PDE1C: variants seen among roughly 807,000 people sequenced by gnomAD.
PDE1C encodes the protein phosphodiesterase 1C, also known as dual specificity calcium/calmodulin-dependent 3',5'-cyclic nucleotide phosphodiesterase 1C.
PDE1C carries 62 observed loss-of-function variants against 93.1 expected under a neutral mutation model. That is an observed-to-expected ratio of 0.67 (90% CI 0.54 to 0.82). The LOEUF is 0.82. PDE1C is among the 40% of genes least tolerant of loss of function. PDE1C has a pLI of 0.00. For missense variants in PDE1C, 742 were observed against 884.6 expected (o/e 0.84, Z 2.04); for synonymous variants, 325 against 310.1 (o/e 1.05, Z -0.50).
At chr7:32,188,972 T>C (rs1562562595) in intron 2 of PDE1C, among the ~76,000 whole-genome samples, 1 of 152,182 alleles carries the variant, frequency 6.6e-6, no homozygotes, top group Non-Finnish European at 1.5e-5. Context: ...AAGCAATGCA[T>C]AACCCAAGCC....
chr7:32,166,802 C>A (rs1802308158), intron 3 of PDE1C, among the ~76,000 whole-genome samples: 2 of 152,132 alleles, frequency 1.3e-5, no homozygotes, highest in Non-Finnish European at 2.9e-5. Flanking sequence ...AGGGACATGT[C>A]TTGACGCTGC....
intron 12 of PDE1C, among the ~76,000 whole-genome samples, chr7:31,825,346 G>A (rs1789514409): frequency 6.6e-6 from 1 of 152,140 alleles, no homozygotes; most frequent in Non-Finnish European, 1.5e-5. Context: ...GGAAGATGTG[G>A]CTATTCACTC....
At chr7:31,863,144 C>CA (rs1303521928) in intron 7 of PDE1C, among the ~76,000 whole-genome samples, 1 of 152,004 alleles carries the variant, frequency 6.6e-6, no homozygotes. Context: ...ATTTAAAGAT[C>CA]ATTTTTGTGC....
At chr7:32,142,245 G>C (rs549949678) in intron 3 of PDE1C, among the ~76,000 whole-genome samples, 2 of 152,250 alleles carry the variant, frequency 1.3e-5, no homozygotes, top group South Asian at 4.1e-4. Flanking sequence ...GGGGAGAAGG[G>C]GGATAGAGGA....
At chr7:31,816,959 GTATT>G (rs1788349899) in intron 14 of PDE1C, among the ~76,000 whole-genome samples, 1 of 152,168 alleles carries the variant, frequency 6.6e-6, no homozygotes, top group African/African-American at 2.4e-5. Flanking sequence ...CGTAGGTTAA[GTATT>G]TATGAAAAGA....
chr7:32,135,561 A>G (rs1800159654), intron 3 of PDE1C, among the ~76,000 whole-genome samples: 1 of 152,184 alleles, frequency 6.6e-6, no homozygotes, highest in Non-Finnish European at 1.5e-5. Flanking sequence ...GAAAATCTAA[A>G]CAACAATTAC....
intron 2 of PDE1C, among the ~76,000 whole-genome samples, chr7:31,997,589 G>C (rs1784882725): frequency 6.6e-6 from 1 of 152,174 alleles, no homozygotes; most frequent in South Asian, 2.1e-4. Context: ...ACACAATGAG[G>C]GAGTTGCTGA....
intron 1 of PDE1C, among the ~76,000 whole-genome samples, chr7:32,343,411 C>T (rs1451278650): frequency 1.3e-5 from 2 of 152,194 alleles, no homozygotes; most frequent in Admixed American, 6.5e-5. Context: ...ATCTCTTTCA[C>T]TGACTCACAG....
At chr7:32,011,267 A>T (rs1187056730) in intron 2 of PDE1C, among the ~76,000 whole-genome samples, 1 of 151,688 alleles carries the variant, frequency 6.6e-6, no homozygotes, top group Non-Finnish European at 1.5e-5. Flanking sequence ...ATCTCAGTTC[A>T]CTGCAAGTTC....
the PDE1C span, among the ~76,000 whole-genome samples, chr7:31,621,960 C>A: frequency 6.8e-6 from 1 of 147,448 alleles, no homozygotes; most frequent in South Asian, 2.3e-4. Context: ...CAATCCTAGT[C>A]TCTGATAAAA....
chr7:32,066,808 A>G (rs1408741731), intron 1 of PDE1C, among the ~76,000 whole-genome samples: 1 of 152,236 alleles, frequency 6.6e-6, no homozygotes, highest in Non-Finnish European at 1.5e-5. Flanking sequence ...GAAAAGAGAT[A>G]TGACAACAGC....
At chr7:31,964,082 T>C (rs1160744896) in intron 2 of PDE1C, among the ~76,000 whole-genome samples, 2 of 152,172 alleles carry the variant, frequency 1.3e-5, no homozygotes, top group Non-Finnish European at 2.9e-5. Flanking sequence ...AGCGGGTTCA[T>C]CTCACTGGGG....
chr7:31,830,129 G>A (rs371780594), intron 11 of PDE1C, among the ~76,000 whole-genome samples: 4 of 147,516 alleles, frequency 2.7e-5, no homozygotes, highest in African/African-American at 7.5e-5. Context: ...GTGTAGACTC[G>A]ACTAATAAAA....
In PDE1C at chr7:31,828,389, G is replaced by T; in HGVS notation, c.1204-16C>A. 6.2e-7 allele frequency: 1 copy of T among 1,606,974 alleles called. No homozygotes were observed. The highest frequency in any genetic ancestry group is 8.5e-7 in the Non-Finnish European group (1 of 1,174,734). Reference sequence around the variant, plus strand: ...CTCTGTCACCCTGGAAAAATAAAAGGTCATAGTAAATTAAGGAACAGTAGG... The same window carrying T: ...CTCTGTCACCCTGGAAAAATAAAAGTTCATAGTAAATTAAGGAACAGTAGG... On this transcript the variant is annotated splice_polypyrimidine_tract_variant and intron_variant, in intron 11 of 17. Transcript: ENST00000396191.
At chr7:32,165,251 C>T (rs1274440517) in intron 3 of PDE1C, among the ~76,000 whole-genome samples, 1 of 152,198 alleles carries the variant, frequency 6.6e-6, no homozygotes, top group African/African-American at 2.4e-5. Context: ...AAAATTAATA[C>T]TTACTGAGCT....
rs374994322 is a variant in PDE1C at position 32,182,880 on chromosome 7, A to T, written c.137-12924T>A. Among the ~76,000 whole-genome samples, 29 of 152,112 alleles carry T rather than the reference A, an allele frequency of 1.9e-4. No individual in the cohort carries two copies. The East Asian group carries it at 4.3e-3, about 22-fold the overall frequency. ...AAATTGTCCCTGTTTGCAGATGACA[A>T]GATTGTATATCTAGAAAACCCCATC... On this transcript the variant is annotated intron_variant, in intron 2 of 18. Transcript: ENST00000396193.
intron 3 of PDE1C, among the ~76,000 whole-genome samples, chr7:32,090,788 C>T (rs977739413): frequency 1.1e-4 from 17 of 152,096 alleles, no homozygotes; most frequent in African/African-American, 3.9e-4. Flanking sequence ...GCTCTTGGAC[C>T]CTCCTGGAGA....
At chr7:31,626,623 GT>G in the PDE1C span, among the ~76,000 whole-genome samples, 36 of 152,304 alleles carry the variant, frequency 2.4e-4, no homozygotes, top group African/African-American at 8.4e-4. Flanking sequence ...AATCAAAACA[GT>G]TTTTGACATG....
chr7:32,309,849 C>A (rs1813125067), intron 1 of PDE1C, among the ~76,000 whole-genome samples: 1 of 152,120 alleles, frequency 6.6e-6, no homozygotes, highest in Non-Finnish European at 1.5e-5. Context: ...AACTAACAAG[C>A]AAAATAACCA....
Sources: allele counts gnomAD v4.1 joint callset (sites outside exome capture counted in the v4.1 genomes callset), GRCh38; gene constraint gnomAD v4.1.1; transcripts MANE v1.5; gene names NCBI Gene and HGNC (gene_info 2026-07-23, HGNC 2026-07-21).